Variants in TACC1 observed in about 807,000 individuals in gnomAD.
TACC1 encodes the protein transforming acidic coiled-coil-containing protein 1.
In TACC1, 48 loss-of-function variants were observed where a neutral mutation model predicts 84.4. That is an observed-to-expected ratio of 0.57 (90% CI 0.45 to 0.72). The LOEUF (loss-of-function observed/expected upper bound fraction) is 0.72, where lower values mean the gene tolerates loss of function less well. Ranked by LOEUF, TACC1 falls within the 30% of genes least tolerant of loss-of-function variation. The pLI is 0.00. For missense variants in TACC1, 920 were observed against 973.0 expected, an observed-to-expected ratio of 0.95 and a Z score of 0.72; for synonymous variants, 372 against 376.3, an observed-to-expected ratio of 0.99 and a Z score of 0.13.
chr8:38,748,679 A>G (rs1051287769), intron 3 of TACC1, among the ~76,000 whole-genome samples: 12 of 152,186 alleles, frequency 7.9e-5, no homozygotes, highest in African/African-American at 2.9e-4. Flanking sequence ...AAACTAAGCA[A>G]CACACTTCTA....
intron 10 of TACC1, 43 bp from the exon 11 acceptor site, chr8:38,843,246 A>G (rs1026535093): frequency 1.4e-6 from 2 of 1,389,794 alleles, no homozygotes; most frequent in Non-Finnish European, 2.0e-6. Flanking sequence ...AGATTAGAAG[A>G]AACAAAATGA....
chr8:38,834,696 G>C (rs1829885931), intron 6 of TACC1, among the ~76,000 whole-genome samples: 1 of 152,080 alleles, frequency 6.6e-6, no homozygotes, highest in South Asian at 2.1e-4. Context: ...CCATGGCTGA[G>C]GTCTGTGAAG....
chr8:38,843,914 A>T (rs1443826438), intron 11 of TACC1, among the ~76,000 whole-genome samples: 2 of 152,178 alleles, frequency 1.3e-5, no homozygotes, highest in East Asian at 3.8e-4. Context: ...CCTGTGAGTT[A>T]TCTTTATGAT....
In TACC1 at chr8:38,838,375, A is replaced by G. The variant is rs1830615928; in HGVS notation, c.1840-95A>G. 12 of 798,930 alleles carry G rather than the reference A, an allele frequency of 1.5e-5. No individual in the cohort carries two copies. The South Asian group carries it at 1.8e-4, about 12-fold the overall frequency. 49.5% of individuals were successfully genotyped at this position (798,930 alleles called of 1,614,324 possible). A position where few individuals can be genotyped will look rare whatever the true frequency, so the allele number is the denominator to read the frequency against. ...TTTATATTTCTAATATAGATTGAAC[A>G]TCTTGGGTTAGACCTGGTTGTGTGC... On this transcript the variant is annotated intron_variant, in intron 7 of 12. Transcript: ENST00000317827.
chr8:38,825,047 G>A (rs1326844127), intron 3 of TACC1, among the ~76,000 whole-genome samples: 3 of 152,184 alleles, frequency 2.0e-5, no homozygotes, highest in African/African-American at 7.2e-5. Context: ...GAGTGCTACT[G>A]TTTGACAACT....
At position 38,819,645 on chromosome 8, in the gene TACC1, A is replaced by T; in HGVS notation, c.401A>T (p.Asn134Ile). The change falls in exon 3 of 13, where the codon AAT becomes ATT. Residue 134 changes from asparagine to isoleucine, a missense_variant. Transcript: ENST00000317827. ...QQAIDSHSVK[N>I]FREEPEHDFS... ...GCCATTGACTCTCACTCAGTCAAGA[A>T]TTTCAGAGAAGAACCTGAACATGAT... 6.2e-7 allele frequency: 1 copy of T among 1,614,248 alleles called. No homozygotes were observed. The highest frequency in any genetic ancestry group is 8.5e-7 in the Non-Finnish European group (1 of 1,180,044).
intron 1 of TACC1, among the ~76,000 whole-genome samples, chr8:38,734,392 A>G (rs990650451): frequency 6.6e-5 from 10 of 152,238 alleles, no homozygotes; most frequent in East Asian, 1.9e-4. Flanking sequence ...GGGTTTCACC[A>G]TGTTGGCCAG....
chr8:38,757,093 G>C (rs1810199239), intron 3 of TACC1: 1 of 357,280 alleles, frequency 2.8e-6, no homozygotes, highest in Non-Finnish European at 4.6e-6. Flanking sequence ...CGCCCCAGGG[G>C]CTCCGCATCT....
intron 3 of TACC1, among the ~76,000 whole-genome samples, chr8:38,756,110 G>A (rs751907056): frequency 1.3e-5 from 2 of 151,928 alleles, no homozygotes; most frequent in Non-Finnish European, 2.9e-5. Context: ...CACCGCGCCC[G>A]GCCGGGAAGA....
intron 1 of TACC1, among the ~76,000 whole-genome samples, chr8:38,734,261 C>T (rs1378072559): frequency 2.0e-5 from 3 of 152,076 alleles, no homozygotes; most frequent in Non-Finnish European, 2.9e-5. Flanking sequence ...GGTGTGATCT[C>T]GACTCACTGC....
intron 2 of TACC1, among the ~76,000 whole-genome samples, chr8:38,809,520 T>G (rs1457064888): frequency 3.9e-5 from 6 of 152,060 alleles, no homozygotes; most frequent in African/African-American, 1.4e-4. Flanking sequence ...GGACTCAGTT[T>G]GGTAAAAGCA....
Position 38,836,265 on chromosome 8 carries a change from T to C in TACC1, c.1817T>C (p.Val606Ala). ...CTCAGCGAATCAGACAAGACAGCCG[T>C]GCTCACCTTAATAAGAGAAGAGGTA... ...ICLSESDKTA[V>A]LTLIREEIIT... The change falls in exon 7 of 13, where the codon GTG (valine) becomes GCG (alanine). Residue 606 changes from valine (V) to alanine (A), a missense_variant. Val to Ala is a moderately conservative substitution (Grantham distance 64, BLOSUM62 0). Transcript: ENST00000317827. 1 of 1,611,270 alleles carries C rather than the reference T, an allele frequency of 6.2e-7. No homozygotes were observed. The highest frequency in any genetic ancestry group is 1.1e-5 in the South Asian group (1 of 91,082).
intron 10 of TACC1, 112 bp downstream of exon 10, chr8:38,842,559 C>G: frequency 2.5e-6 from 3 of 1,178,398 alleles, no homozygotes; most frequent in South Asian, 1.6e-5. Flanking sequence ...TAAATAGGAG[C>G]TCAGGGCCTA....
At chr8:38,830,592 C>T (rs918305511) in intron 5 of TACC1, among the ~76,000 whole-genome samples, 3 of 152,138 alleles carry the variant, frequency 2.0e-5, no homozygotes, top group Admixed American at 6.5e-5. Context: ...TAAATGTCAT[C>T]CTCTACCCTA....
intron 12 of TACC1, 98 bp from the exon 13 acceptor site, chr8:38,847,857 C>A: frequency 1.1e-6 from 1 of 950,786 alleles, no homozygotes; most frequent in Non-Finnish European, 1.6e-6. Flanking sequence ...ATTAGGATGT[C>A]TAGGGTAGGG....
chr8:38,786,073 A>C (rs902657107), upstream of TACC1: 2 of 152,152 alleles, frequency 1.3e-5, no homozygotes, highest in African/African-American at 4.8e-5. Context: ...GCAAGTTTCA[A>C]CGTGCACATT....
rs1824965234 is a variant in TACC1 at position 38,814,521 on chromosome 8, G to A, written c.278-5001G>A. ...TGCTGTTCAGGTTTGTAGCCTAGGA[G>A]CAATAGGCTATACCATAGGTATGTA... On this transcript the variant is annotated intron_variant, in intron 2 of 12. Coordinates refer to ENST00000317827, the MANE Select transcript of TACC1 (RefSeq NM_006283.3). 2.0e-5 allele frequency among the ~76,000 whole-genome samples: 3 copies of A among 152,282 alleles called. No homozygotes were observed. In the South Asian group the frequency reaches 6.2e-4, roughly 32 times the overall value.
At chr8:38,826,038 G>T (rs994371534) in intron 4 of TACC1, among the ~76,000 whole-genome samples, 1 of 152,126 alleles carries the variant, frequency 6.6e-6, no homozygotes, top group African/African-American at 2.4e-5. Context: ...GCGAAGCCCA[G>T]GCCCATCTGA....
At chr8:38,772,588 T>TCAGGA (rs1195082606) in intron 3 of TACC1, among the ~76,000 whole-genome samples, 1 of 152,122 alleles carries the variant, frequency 6.6e-6, no homozygotes, top group Admixed American at 6.5e-5. Flanking sequence ...CAATGAGGGG[T>TCAGGA]CAGGACGGGT....
Sources: gnomAD v4.1 joint callset for allele counts (sites outside exome capture counted in the v4.1 genomes callset) on GRCh38, gnomAD v4.1.1 for gene constraint, MANE v1.5 for transcripts, NCBI Gene and HGNC (gene_info 2026-07-23, HGNC 2026-07-21) for gene names.